The following NXPE2 variants were observed in gnomAD, a reference collection of about 807,000 sequenced individuals.
The protein encoded by NXPE2 is NXPE family member 2.
A neutral mutation model predicts 34.4 loss-of-function variants in NXPE2; 34 were observed. That is an observed-to-expected ratio of 0.99 (90% CI 0.75 to 1.31). The LOEUF is 1.31. Ranked by LOEUF, NXPE2 falls within the 40% of genes most tolerant of loss-of-function variation. The probability of loss-of-function intolerance (pLI) is 0.00; values close to 1 mark genes in which losing one functional copy is unlikely to be tolerated. For synonymous variants in NXPE2, 235 were observed against 231.3 expected (o/e 1.02, Z -0.15); for missense variants, 649 against 672.5 (o/e 0.97, Z 0.39).
rs111481149 is a variant in NXPE2, at chr11:114,700,694, T to C, written c.866+1916T>C. ...GAATAAAAAAAAATAAGTAAAATAA[T>C]ACAATCTGGAGAAATAATTAAAGTT... On this transcript the variant is annotated intron_variant, in intron 3 of 5. Coordinates refer to ENST00000389586, the MANE Select transcript of NXPE2 (RefSeq NM_182495.6). Among the ~76,000 whole-genome samples the C allele has an allele frequency of 8.4e-3, 1,279 of 152,222 alleles. 19 individuals are homozygous for C. The highest frequency in any genetic ancestry group is 0.029 in the African/African-American group (1,196 of 41,538).
chr11:114,711,180 A>C (rs565943932), downstream of NXPE2, among the ~76,000 whole-genome samples: 1 of 152,264 alleles, frequency 6.6e-6, no homozygotes, highest in South Asian at 2.1e-4. Flanking sequence ...ATCAGGAACA[A>C]AGCAAAGATG....
chr11:114,676,852 C>T (rs547488605), upstream of NXPE2, among the ~76,000 whole-genome samples: 15 of 152,062 alleles, frequency 9.9e-5, no homozygotes, highest in South Asian at 8.3e-4. Flanking sequence ...ATGGAAACAA[C>T]GTTAAGTATG....
chr11:114,764,538 A>T, the NXPE2 span, among the ~76,000 whole-genome samples: 7 of 152,180 alleles, frequency 4.6e-5, no homozygotes. Flanking sequence ...AGTCTGGGTG[A>T]GGAGTCTATA....
At chr11:114,586,812 A>G in the NXPE2 span, among the ~76,000 whole-genome samples, 1 of 151,654 alleles carries the variant, frequency 6.6e-6, no homozygotes, top group Non-Finnish European at 1.5e-5. Context: ...TCTCCTATCC[A>G]CTCTCTGTAT....
At chr11:114,627,846 C>G in the NXPE2 span, among the ~76,000 whole-genome samples, 2 of 150,344 alleles carry the variant, frequency 1.3e-5, no homozygotes, top group African/African-American at 4.9e-5. Flanking sequence ...AAATGGAAAA[C>G]AAAAAAATGC....
chr11:114,742,448 G>C, the NXPE2 span, among the ~76,000 whole-genome samples: 2 of 152,056 alleles, frequency 1.3e-5, 1 homozygote, highest in South Asian at 4.1e-4. Context: ...TGGGCCTCTT[G>C]GGAGGCATCC....
chr11:114,684,378 G>T lies in NXPE2; in HGVS notation c.132+4616G>T, dbSNP rs1951004973. Among the ~76,000 whole-genome samples the T allele has an allele frequency of 2.0e-5, 3 of 150,968 alleles. No individual in the cohort carries two copies. The East Asian group carries it at 5.9e-4, about 30-fold the overall frequency. On this transcript the variant is annotated intron_variant, in intron 2 of 5. Transcript: ENST00000389586. Reference sequence around the variant, plus strand: ...GGAGGCAGAGCTTGCAGTGAGCCGAGATCACACCACTGCACTCCAGCATGG... The same window carrying T: ...GGAGGCAGAGCTTGCAGTGAGCCGATATCACACCACTGCACTCCAGCATGG...
At chr11:114,778,673 G>A in the NXPE2 span, among the ~76,000 whole-genome samples, 1 of 152,290 alleles carries the variant, frequency 6.6e-6, no homozygotes, top group Admixed American at 6.5e-5. Flanking sequence ...CAGCTGGGAG[G>A]GAGGAAGGTG....
chr11:114,720,649 TATCTC>T, the NXPE2 span, among the ~76,000 whole-genome samples: 1 of 152,176 alleles, frequency 6.6e-6, no homozygotes, highest in Non-Finnish European at 1.5e-5. Context: ...GAATATAAAA[TATCTC>T]ATTAATAATC....
chr11:114,745,803 C>A, the NXPE2 span, among the ~76,000 whole-genome samples: 1 of 151,822 alleles, frequency 6.6e-6, no homozygotes, highest in African/African-American at 2.4e-5. Flanking sequence ...TTAGGTGTCT[C>A]CAAATTTTTT....
At chr11:114,507,783 A>C in the NXPE2 span, among the ~76,000 whole-genome samples, 1 of 152,094 alleles carries the variant, frequency 6.6e-6, no homozygotes, top group East Asian at 1.9e-4. Flanking sequence ...CATAGCCAAC[A>C]TCATACTGAA....
chr11:114,728,857 G>T, the NXPE2 span, among the ~76,000 whole-genome samples: 1 of 152,066 alleles, frequency 6.6e-6, no homozygotes, highest in East Asian at 1.9e-4. Context: ...ATACAATAAA[G>T]AACCCAGAAA....
the NXPE2 span, among the ~76,000 whole-genome samples, chr11:114,568,183 ATCT>A: frequency 6.6e-6 from 1 of 152,182 alleles, no homozygotes. Context: ...ACAAACATAT[ATCT>A]TCTTTTTCTT....
chr11:114,679,817 A>G, intron 2 of NXPE2, 55 bp downstream of exon 2: 1 of 1,007,728 alleles, frequency 9.9e-7, no homozygotes, highest in Non-Finnish European at 1.5e-6. Flanking sequence ...CTTCATTTGA[A>G]TGACCCCCTT....
At chr11:114,619,065 G>A in the NXPE2 span, among the ~76,000 whole-genome samples, 10 of 151,830 alleles carry the variant, frequency 6.6e-5, no homozygotes, top group Admixed American at 5.3e-4. Context: ...GTTACCTGGT[G>A]GATAATAAGT....
At chr11:114,787,142 C>T in the NXPE2 span, among the ~76,000 whole-genome samples, 1 of 152,028 alleles carries the variant, frequency 6.6e-6, no homozygotes, top group Admixed American at 6.5e-5. Flanking sequence ...ACAAGTTTAT[C>T]AAGTTGAGAG....
At chr11:114,751,996 C>T in the NXPE2 span, among the ~76,000 whole-genome samples, 4 of 152,308 alleles carry the variant, frequency 2.6e-5, no homozygotes, top group East Asian at 7.7e-4. Context: ...AAAGACAAGG[C>T]AATAGCCCTG....
chr11:114,629,217 C>A, the NXPE2 span, among the ~76,000 whole-genome samples: 1 of 151,430 alleles, frequency 6.6e-6, no homozygotes, highest in East Asian at 1.9e-4. Flanking sequence ...GAGACACAAC[C>A]AAAAAAGAAT....
the NXPE2 span, among the ~76,000 whole-genome samples, chr11:114,636,983 T>C: frequency 2.0e-5 from 3 of 152,278 alleles, no homozygotes; most frequent in South Asian, 6.2e-4. Context: ...TTAGGTCCAC[T>C]TGGTGCAGAG....
Sources: allele counts gnomAD v4.1 joint callset (sites outside exome capture counted in the v4.1 genomes callset), GRCh38; gene constraint gnomAD v4.1.1; transcripts MANE v1.5; gene names NCBI Gene and HGNC (gene_info 2026-07-23, HGNC 2026-07-21).